Variants in GRIK2 observed in about 807,000 individuals in gnomAD.
The protein encoded by GRIK2 is glutamate ionotropic receptor kainate type subunit 2.
Under a neutral mutation model 100.3 loss-of-function variants are expected in GRIK2, and 32 were observed. The ratio of observed to expected loss-of-function variants is 0.32; its 90% CI spans 0.24 to 0.43. GRIK2 has a LOEUF of 0.43. Ranked by LOEUF, GRIK2 falls within the 20% of genes least tolerant of loss-of-function variation. GRIK2 has a pLI of 1.00. For synonymous variants in GRIK2, 417 were observed against 389.4 expected (o/e 1.07, Z -0.83); for missense variants, 843 against 1,114.9 (o/e 0.76, Z 3.47).
intron 2 of GRIK2, among the ~76,000 whole-genome samples, chr6:101,531,893 C>A (rs906206966): frequency 6.6e-6 from 1 of 151,850 alleles, no homozygotes; most frequent in Admixed American, 6.6e-5. Flanking sequence ...TACTGCTACT[C>A]GTTGATTCCA....
chr6:101,867,796 T>A (rs1785150199), intron 11 of GRIK2, among the ~76,000 whole-genome samples: 1 of 151,404 alleles, frequency 6.6e-6, no homozygotes, highest in Admixed American at 6.6e-5. Context: ...TTTGCTGTGA[T>A]GTATTCTGAG....
chr6:101,852,151 C>A (rs551255301), intron 10 of GRIK2, among the ~76,000 whole-genome samples: 1 of 152,070 alleles, frequency 6.6e-6, no homozygotes, highest in South Asian at 2.1e-4. Flanking sequence ...TGGGGATTGG[C>A]AAATTGTCGA....
At chr6:101,559,379 G>T (rs2852578) in intron 2 of GRIK2, among the ~76,000 whole-genome samples, 1 of 151,932 alleles carries the variant, frequency 6.6e-6, no homozygotes, top group South Asian at 2.1e-4. Flanking sequence ...AACAACCTAT[G>T]TTTCCAGTCC....
At chr6:101,755,806 A>G (rs1388438298) in intron 7 of GRIK2, among the ~76,000 whole-genome samples, 1 of 152,174 alleles carries the variant, frequency 6.6e-6, no homozygotes, top group Non-Finnish European at 1.5e-5. Context: ...TGTGAAATAT[A>G]TTATTCTCTT....
intron 14 of GRIK2, among the ~76,000 whole-genome samples, chr6:102,021,648 G>A (rs187491419): frequency 1.4e-4 from 21 of 151,316 alleles, no homozygotes; most frequent in African/African-American, 2.9e-4. Flanking sequence ...TTTCAGACTC[G>A]TATATTATAT....
intron 14 of GRIK2, among the ~76,000 whole-genome samples, chr6:101,989,015 A>C (rs984934161): frequency 6.6e-6 from 1 of 151,988 alleles, no homozygotes; most frequent in Non-Finnish European, 1.5e-5. Flanking sequence ...ATGGAGGAAA[A>C]CTATCAGAGT....
chr6:101,623,723 G>T (rs1014412172), intron 3 of GRIK2, among the ~76,000 whole-genome samples: 1 of 152,194 alleles, frequency 6.6e-6, no homozygotes. Context: ...TACAAGCTTT[G>T]TTACCCAATA....
At chr6:101,893,088 A>G (rs1461559177) in intron 12 of GRIK2, among the ~76,000 whole-genome samples, 1 of 151,272 alleles carries the variant, frequency 6.6e-6, no homozygotes, top group Non-Finnish European at 1.5e-5. Context: ...AAATGGAATC[A>G]CTATCTGTTA....
chr6:101,934,407 C>T (rs2852587), intron 14 of GRIK2, among the ~76,000 whole-genome samples: 6,587 of 151,866 alleles, frequency 0.043, 487 homozygotes, highest in African/African-American at 0.15. Context: ...ATCTTACCAG[C>T]TCAATAGTCT....
At chr6:101,991,391 G>T (rs1385666834) in intron 14 of GRIK2, among the ~76,000 whole-genome samples, 2 of 146,468 alleles carry the variant, frequency 1.4e-5, no homozygotes, top group Admixed American at 6.8e-5. Flanking sequence ...TATTTGCTAT[G>T]TTTTTTTTTT....
intron 7 of GRIK2, among the ~76,000 whole-genome samples, chr6:101,775,743 CATAT>C (rs1410784789): frequency 6.6e-6 from 1 of 150,458 alleles, no homozygotes; most frequent in Non-Finnish European, 1.5e-5. Context: ...CAGATTTCTT[CATAT>C]ATATATGGAA....
chr6:101,700,180 T>C (rs1256385070), intron 7 of GRIK2, among the ~76,000 whole-genome samples: 3 of 151,632 alleles, frequency 2.0e-5, no homozygotes, highest in Non-Finnish European at 2.9e-5. Context: ...AAAATCCCTA[T>C]ACAAAGAGAA....
chr6:101,939,406 T>C (rs1041200682), intron 14 of GRIK2, among the ~76,000 whole-genome samples: 3 of 152,090 alleles, frequency 2.0e-5, no homozygotes, highest in African/African-American at 7.2e-5. Flanking sequence ...AAATGTTGAA[T>C]TGTTAAATTT....
intron 9 of GRIK2, among the ~76,000 whole-genome samples, chr6:101,810,500 G>A (rs1286880740): frequency 1.3e-5 from 2 of 152,016 alleles, no homozygotes; most frequent in African/African-American, 2.4e-5. Flanking sequence ...TTACGAAAGC[G>A]TTCTTTGCCC....
chr6:101,759,464 T>C (rs1230553921), intron 7 of GRIK2, among the ~76,000 whole-genome samples: 3 of 152,194 alleles, frequency 2.0e-5, no homozygotes, highest in African/African-American at 7.2e-5. Flanking sequence ...TGTGTTTTAA[T>C]ACACATTGTA....
intron 12 of GRIK2, among the ~76,000 whole-genome samples, chr6:101,910,612 T>C (rs1788609506): frequency 6.6e-6 from 1 of 151,334 alleles, no homozygotes; most frequent in Non-Finnish European, 1.5e-5. Flanking sequence ...ATTGTATATT[T>C]GAGCATGTTG....
chr6:101,868,079 A>G (rs918082228), intron 11 of GRIK2, among the ~76,000 whole-genome samples: 2 of 149,866 alleles, frequency 1.3e-5, no homozygotes, highest in African/African-American at 5.0e-5. Context: ...ACCTCTATAA[A>G]TGGAGACTTC....
intron 1 of GRIK2, among the ~76,000 whole-genome samples, chr6:101,398,431 C>T (rs1775104151): frequency 6.6e-6 from 1 of 152,140 alleles, no homozygotes; most frequent in African/African-American, 2.4e-5. Context: ...GTGGGTTTAC[C>T]TCTCCAATTG....
At chr6:101,987,115 C>G (rs1794058500) in intron 14 of GRIK2, among the ~76,000 whole-genome samples, 1 of 151,868 alleles carries the variant, frequency 6.6e-6, no homozygotes, top group Admixed American at 6.6e-5. Context: ...CAATCCACGG[C>G]ACTTCAGCCT....
Sources: gnomAD v4.1 joint callset for allele counts (sites outside exome capture counted in the v4.1 genomes callset) on GRCh38, gnomAD v4.1.1 for gene constraint, MANE v1.5 for transcripts, NCBI Gene and HGNC (gene_info 2026-07-23, HGNC 2026-07-21) for gene names.